Variants in BMPR1B observed in about 807,000 individuals in gnomAD.
BMPR1B encodes bone morphogenetic protein receptor type 1B.
BMPR1B carries 12 observed loss-of-function variants against 59.1 expected under a neutral mutation model. The observed-to-expected ratio is 0.20, with a 90% CI of 0.13 to 0.33. The LOEUF (loss-of-function observed/expected upper bound fraction) is 0.33. Among genes scored for constraint, BMPR1B ranks in the 10% least tolerant of loss-of-function variants. The probability of loss-of-function intolerance (pLI) is 1.00; values close to 1 mark genes in which losing one functional copy is unlikely to be tolerated. For synonymous variants in BMPR1B, 237 were observed against 207.3 expected, an observed-to-expected ratio of 1.14 and a Z score of -1.23; for missense variants, 550 against 610.9, an observed-to-expected ratio of 0.90 and a Z score of 1.05.
chr4:95,148,751 T>C lies in BMPR1B; in HGVS notation c.1080T>C (p.Asp360=). 1 of 1,613,912 alleles carries C rather than the reference T, an allele frequency of 6.2e-7. No homozygotes were observed. Among genetic ancestry groups the C allele is most frequent in the Non-Finnish European group, 8.5e-7 (1 of 1,179,826 alleles). ...DLGLAVKFIS[D]TNEVDIPPNT... is the part of the protein sequence containing the mutation. ...CTTTGCTTTACTTTTTCCTTAGTGA[T>C]ACAAATGAAGTTGACATACCACCTA... The change falls in exon 11 of 13, where the codon GAT becomes GAC. Residue 360 remains aspartate (D), a synonymous_variant. Transcript: ENST00000515059.
chr4:94,905,372 A>G (rs953647679), intron 2 of BMPR1B, among the ~76,000 whole-genome samples: 2 of 152,062 alleles, frequency 1.3e-5, no homozygotes, highest in Non-Finnish European at 2.9e-5. Context: ...CTGATTACTA[A>G]TGCAAACAGT....
intron 1 of BMPR1B, among the ~76,000 whole-genome samples, chr4:94,785,050 G>T (rs552694264): frequency 6.6e-6 from 1 of 152,290 alleles, no homozygotes; most frequent in South Asian, 2.1e-4. Context: ...CCCATGAGTG[G>T]TGGGAGATAG....
intron 2 of BMPR1B, among the ~76,000 whole-genome samples, chr4:94,896,306 G>A (rs1335588942): frequency 6.6e-6 from 1 of 151,834 alleles, no homozygotes; most frequent in East Asian, 1.9e-4. Context: ...GTTAAATCTA[G>A]GCTTGATGAT....
chr4:94,975,091 T>C (rs777758942), intron 2 of BMPR1B, among the ~76,000 whole-genome samples: 24 of 151,998 alleles, frequency 1.6e-4, no homozygotes, highest in African/African-American at 5.3e-4. Flanking sequence ...ACAAAAGGTA[T>C]TGGGCTACTT....
At chr4:95,063,105 T>G (rs1204865739) in intron 3 of BMPR1B, among the ~76,000 whole-genome samples, 1 of 152,152 alleles carries the variant, frequency 6.6e-6, no homozygotes. Flanking sequence ...TTCTCTGCTT[T>G]TAATGAATCA....
At position 94,870,879 on chromosome 4, in the gene BMPR1B, T is replaced by A. The variant is rs921899014; in HGVS notation, c.-182-4952T>A. Among the ~76,000 whole-genome samples the A allele has an allele frequency of 2.6e-5, 4 of 152,290 alleles. No homozygotes were observed. In the South Asian group the frequency reaches 8.3e-4, roughly 32 times the overall value. On this transcript the variant is annotated intron_variant, in intron 1 of 12. Coordinates refer to ENST00000515059, the MANE Select transcript of BMPR1B (RefSeq NM_001203.3). ...TGGAAGGTGTCTTTTGGTAGGCTCT[T>A]AAACAATTATGGAACTGTGGAAATA...
chr4:94,758,802 C>G lies in BMPR1B; in HGVS notation c.-183+734C>G, dbSNP rs537443618. Reference sequence around the variant, plus strand: ...TTATTGCTATCCTTTGCCTCTCCCCCCGGTCTCTCTTTCCTTCCGTGCGTC... The same window carrying G: ...TTATTGCTATCCTTTGCCTCTCCCCGCGGTCTCTCTTTCCTTCCGTGCGTC... On this transcript the variant is annotated intron_variant, in intron 1 of 12. Coordinates refer to ENST00000515059, the MANE Select transcript of BMPR1B (RefSeq NM_001203.3). Among the ~76,000 whole-genome samples the G allele has an allele frequency of 8.5e-5, 13 of 152,206 alleles. No individual in the cohort carries two copies. The East Asian group carries it at 1.7e-3, about 20-fold the overall frequency.
In BMPR1B at chr4:94,777,783, T is replaced by C. The variant is rs370838221; in HGVS notation, c.-183+19715T>C. ...TCTCACGTCTGTAATCCCAGCACTT[T>C]GGGAGGCTGAGGTGGATGGATCACC... On this transcript the variant is annotated intron_variant, in intron 1 of 12. Transcript: ENST00000515059. Among the ~76,000 whole-genome samples the C allele has an allele frequency of 2.4e-4, 37 of 152,186 alleles. No homozygotes were observed. The East Asian group carries it at 5.2e-3, about 21-fold the overall frequency.
intron 1 of BMPR1B, among the ~76,000 whole-genome samples, chr4:94,862,814 G>A (rs981823460): frequency 6.6e-5 from 10 of 151,866 alleles, no homozygotes; most frequent in Non-Finnish European, 8.8e-5. Context: ...GCGTGGTTGC[G>A]GGCACCTGTA....
chr4:94,910,079 A>G (rs1196344516), intron 2 of BMPR1B, among the ~76,000 whole-genome samples: 2 of 152,096 alleles, frequency 1.3e-5, no homozygotes, highest in Non-Finnish European at 2.9e-5. Context: ...TTTAAAAGAC[A>G]TTCTAGATAC....
chr4:95,017,764 C>A (rs907856166), intron 3 of BMPR1B, among the ~76,000 whole-genome samples: 1 of 152,098 alleles, frequency 6.6e-6, no homozygotes, highest in East Asian at 1.9e-4. Flanking sequence ...AAATTTGGGT[C>A]TTGAAATGGC....
intron 2 of BMPR1B, among the ~76,000 whole-genome samples, chr4:94,920,161 A>G (rs1728635410): frequency 6.6e-6 from 1 of 152,186 alleles, no homozygotes; most frequent in Non-Finnish European, 1.5e-5. Context: ...TGTACTTTTT[A>G]TACTGGTTAT....
intron 2 of BMPR1B, among the ~76,000 whole-genome samples, chr4:94,961,786 G>A (rs955815564): frequency 1.1e-4 from 16 of 152,140 alleles, no homozygotes; most frequent in East Asian, 3.9e-4. Flanking sequence ...TTTATTTAAC[G>A]TACTTTAAAA....
chr4:95,059,414 A>C (rs1190113032), intron 3 of BMPR1B, among the ~76,000 whole-genome samples: 2 of 152,170 alleles, frequency 1.3e-5, no homozygotes. Context: ...CCCCGAGTGA[A>C]AAGATGTTCA....
intron 1 of BMPR1B, among the ~76,000 whole-genome samples, chr4:94,847,434 G>A (rs924137631): frequency 1.3e-5 from 2 of 152,096 alleles, no homozygotes; most frequent in Non-Finnish European, 2.9e-5. Context: ...CCACTGCTAG[G>A]TATTTACCCA....
chr4:94,894,386 C>G (rs1727509743), intron 2 of BMPR1B, among the ~76,000 whole-genome samples: 1 of 151,658 alleles, frequency 6.6e-6, no homozygotes, highest in Non-Finnish European at 1.5e-5. Context: ...GCATTTATAC[C>G]TTCTTTCCCC....
Position 95,048,260 on chromosome 4 carries a change from G to A in BMPR1B, c.-18+52126G>A, listed in dbSNP as rs1227027724. On this transcript the variant is annotated intron_variant, in intron 3 of 12. Coordinates refer to ENST00000515059, the MANE Select transcript of BMPR1B (RefSeq NM_001203.3). ...CAATAGTGCTGCGATGAACATATAAGTGCCCATGTCTTTTTGGTAGAATGA... is the reference window on the plus strand; with the variant it reads ...CAATAGTGCTGCGATGAACATATAAATGCCCATGTCTTTTTGGTAGAATGA... Among the ~76,000 whole-genome samples the A allele has an allele frequency of 3.9e-5, 6 of 152,076 alleles. No homozygotes were observed. In the South Asian group the frequency reaches 1.0e-3, roughly 26 times the overall value.
chr4:95,136,832 T>C (rs1017500246), intron 10 of BMPR1B, among the ~76,000 whole-genome samples: 1 of 152,186 alleles, frequency 6.6e-6, no homozygotes, highest in Non-Finnish European at 1.5e-5. Flanking sequence ...AGCAGTCTTA[T>C]CAATTTTGTT....
chr4:95,035,949 A>T (rs1293819373), intron 3 of BMPR1B, among the ~76,000 whole-genome samples: 1 of 152,062 alleles, frequency 6.6e-6, no homozygotes, highest in Admixed American at 6.6e-5. Context: ...GTCATCTATG[A>T]TTTTTTCAGC....
Sources: allele counts gnomAD v4.1 joint callset (sites outside exome capture counted in the v4.1 genomes callset), GRCh38; gene constraint gnomAD v4.1.1; transcripts MANE v1.5; gene names NCBI Gene and HGNC (gene_info 2026-07-23, HGNC 2026-07-21).